The following ZNF69 variants were observed in gnomAD, a reference collection of about 807,000 sequenced individuals.
ZNF69 encodes ZNF3.
A neutral mutation model predicts 50.9 loss-of-function variants in ZNF69; 47 were observed. The observed-to-expected ratio is 0.92, with a 90% CI of 0.73 to 1.18. The LOEUF (loss-of-function observed/expected upper bound fraction) is 1.18, where lower values mean the gene tolerates loss of function less well. Among genes scored for constraint, ZNF69 ranks in the 50% most tolerant of loss-of-function variants. The pLI, the probability that ZNF69 is intolerant of heterozygous loss-of-function variation, is 0.00. For missense variants in ZNF69, 717 were observed against 675.1 expected, an observed-to-expected ratio of 1.06 and a Z score of -0.69; for synonymous variants, 216 against 223.1, an observed-to-expected ratio of 0.97 and a Z score of 0.29.
the ZNF69 span, among the ~76,000 whole-genome samples, chr19:11,945,595 C>A: frequency 2.6e-5 from 4 of 151,982 alleles, no homozygotes; most frequent in Non-Finnish European, 4.4e-5. Flanking sequence ...TCTGTAGGTA[C>A]GGGGGTTTGG....
the ZNF69 span, among the ~76,000 whole-genome samples, chr19:11,921,046 G>T: frequency 1.3e-5 from 2 of 152,162 alleles, no homozygotes; most frequent in Admixed American, 6.6e-5. Context: ...GCTTCCTGCA[G>T]AGCTGTGTCC....
Position 11,906,194 on chromosome 19 carries a change from G to T in ZNF69, c.*96G>T. Reference sequence around the variant, plus strand: ...TGTAAAGAATGTGGGAAACCCTTCAGGTCTGCCCAGAACCTTCGAATTCAG... The same window carrying T: ...TGTAAAGAATGTGGGAAACCCTTCATGTCTGCCCAGAACCTTCGAATTCAG... On this transcript the variant is annotated 3_prime_UTR_variant, in exon 4 of 4. Transcript: ENST00000429654. 6.4e-7 allele frequency: 1 copy of T among 1,550,888 alleles called. No homozygotes were observed. The highest frequency in any genetic ancestry group is 8.6e-7 in the Non-Finnish European group (1 of 1,156,460).
chr19:11,954,883 G>T, the ZNF69 span, among the ~76,000 whole-genome samples: 1 of 151,490 alleles, frequency 6.6e-6, no homozygotes, highest in African/African-American at 2.4e-5. Flanking sequence ...TTAATGAATT[G>T]TAAATTGCAT....
chr19:11,952,224 A>G, the ZNF69 span, among the ~76,000 whole-genome samples: 1 of 152,124 alleles, frequency 6.6e-6, no homozygotes, highest in Admixed American at 6.6e-5. Context: ...TCAGCTCTAG[A>G]CTCTTGGACC....
chr19:11,891,515 G>C (rs1418881847), intron 1 of ZNF69, among the ~76,000 whole-genome samples: 5 of 152,116 alleles, frequency 3.3e-5, no homozygotes, highest in Non-Finnish European at 5.9e-5. Context: ...GCAAGTGGAG[G>C]AATGTACTAA....
At chr19:11,918,961 TCTC>T (rs1194692022), downstream of ZNF69, among the ~76,000 whole-genome samples, 1 of 151,800 alleles carries the variant, frequency 6.6e-6, no homozygotes, top group African/African-American at 2.4e-5. Flanking sequence ...AGTGGTGCGA[TCTC>T]CGCTCACTGC....
At chr19:11,965,564 T>C in the ZNF69 span, among the ~76,000 whole-genome samples, 17 of 152,300 alleles carry the variant, frequency 1.1e-4, no homozygotes, top group Middle Eastern at 3.4e-3. Context: ...GGAGGAGCAG[T>C]GGTCTGTGGG....
chr19:11,941,984 C>CG, the ZNF69 span, among the ~76,000 whole-genome samples: 2 of 151,708 alleles, frequency 1.3e-5, no homozygotes, highest in African/African-American at 2.4e-5. Flanking sequence ...CTTATTACAC[C>CG]TGGTATCTCT....
At chr19:11,967,264 A>C in the ZNF69 span, among the ~76,000 whole-genome samples, 1 of 152,164 alleles carries the variant, frequency 6.6e-6, no homozygotes, top group African/African-American at 2.4e-5. Context: ...TGAACCCAGG[A>C]GGCAGAAGTT....
the ZNF69 span, chr19:11,979,025 T>G: frequency 2.4e-5 from 39 of 1,614,092 alleles, no homozygotes; most frequent in Non-Finnish European, 3.3e-5. Flanking sequence ...CGAAAAAACC[T>G]TATGAATGTA....
the ZNF69 span, among the ~76,000 whole-genome samples, chr19:11,975,600 T>C: frequency 2.5e-4 from 38 of 151,200 alleles, no homozygotes; most frequent in Non-Finnish European, 4.9e-4. Context: ...GGTTTCACTG[T>C]GTCGATCTCC....
chr19:11,950,163 C>G, the ZNF69 span: 1 of 1,613,840 alleles, frequency 6.2e-7, no homozygotes, highest in South Asian at 1.1e-5. Flanking sequence ...GAAAAGCATT[C>G]AATTATTTTT....
chr19:11,914,747 A>G (rs1459262511), downstream of ZNF69, among the ~76,000 whole-genome samples: 1 of 152,204 alleles, frequency 6.6e-6, no homozygotes, highest in African/African-American at 2.4e-5. Context: ...AAACTCCCTA[A>G]GATCAAAATC....
intron 1 of ZNF69, among the ~76,000 whole-genome samples, chr19:11,896,472 A>C (rs533051273): frequency 1.7e-4 from 26 of 152,144 alleles, no homozygotes; most frequent in South Asian, 4.1e-4. Flanking sequence ...AGTCCATGTT[A>C]AGGGAGCTGG....
At chr19:11,888,077 G>A in intron 1 of ZNF69, 91 bp downstream of exon 1, 1 of 1,310,570 alleles carries the variant, frequency 7.6e-7, no homozygotes, top group Non-Finnish European at 1.1e-6. Context: ...CTTTCCTGCG[G>A]GCGACTTTGG....
intron 1 of ZNF69, among the ~76,000 whole-genome samples, chr19:11,900,574 A>G (rs573396896): frequency 1.9e-4 from 29 of 152,026 alleles, no homozygotes; most frequent in Admixed American, 1.2e-3. Context: ...GCTGGTCTCA[A>G]ACTCCTGACT....
intron 1 of ZNF69, among the ~76,000 whole-genome samples, chr19:11,891,101 G>A (rs1301017809): frequency 2.6e-5 from 4 of 152,232 alleles, no homozygotes; most frequent in Non-Finnish European, 1.5e-5. Context: ...TTCAAGACGA[G>A]TCACAAAGTG....
At chr19:11,956,579 G>T in the ZNF69 span, 1 of 398,628 alleles carries the variant, frequency 2.5e-6, no homozygotes, top group South Asian at 1.3e-4. Flanking sequence ...GCTCACACCA[G>T]GCGCAGTGGC....
chr19:11,929,211 G>C, the ZNF69 span, among the ~76,000 whole-genome samples: 1 of 148,338 alleles, frequency 6.7e-6, no homozygotes, highest in African/African-American at 2.6e-5. Flanking sequence ...TGTCACCCAG[G>C]CTGGAGTGCA....
Sources: allele counts gnomAD v4.1 joint callset (sites outside exome capture counted in the v4.1 genomes callset), GRCh38; gene constraint gnomAD v4.1.1; transcripts MANE v1.5; gene names NCBI Gene and HGNC (gene_info 2026-07-23, HGNC 2026-07-21).